Variants in REV1 observed in about 807,000 individuals in gnomAD.
The protein encoded by REV1 is REV1 DNA directed polymerase.
REV1 carries 42 observed loss-of-function variants against 137.4 expected under a neutral mutation model. That is an observed-to-expected ratio of 0.31 (90% CI 0.24 to 0.40). The LOEUF is 0.40. Ranked by LOEUF, REV1 falls within the 10% of genes least tolerant of loss-of-function variation. The pLI is 1.00. For synonymous variants in REV1, 524 were observed against 519.2 expected (o/e 1.01, Z -0.12); for missense variants, 1,282 against 1,490.1 (o/e 0.86, Z 2.30).
chr2:99,441,965 G>A (rs962464410), intron 5 of REV1, among the ~76,000 whole-genome samples: 10 of 152,036 alleles, frequency 6.6e-5, no homozygotes, highest in Admixed American at 1.3e-4. Context: ...CTAAAAACCA[G>A]CTTTGTGGCC....
intron 3 of REV1, among the ~76,000 whole-genome samples, chr2:99,452,373 A>C (rs1575147389): frequency 1.4e-5 from 2 of 146,252 alleles, no homozygotes; most frequent in East Asian, 2.0e-4. Context: ...TAGTAAGCTG[A>C]GGTTGCACCA....
chr2:99,415,740 T>C (rs558760471), intron 12 of REV1, among the ~76,000 whole-genome samples: 2 of 152,376 alleles, frequency 1.3e-5, no homozygotes, highest in Admixed American at 6.5e-5. Context: ...TACATGATCA[T>C]GGTGGTTCTC....
chr2:99,442,274 A>AG, intron 5 of REV1, 43 bp downstream of exon 5: 1 of 1,498,200 alleles, frequency 6.7e-7, no homozygotes, highest in Non-Finnish European at 8.9e-7. Context: ...AAAAAAAAAA[A>AG]AACCAACCAG....
chr2:99,438,798 A>T lies in REV1; in HGVS notation c.1016T>A (p.Val339Glu), dbSNP rs550718608. 6.2e-7 allele frequency: 1 copy of T among 1,614,262 alleles called. No homozygotes were observed. Among genetic ancestry groups the T allele is most frequent in the Admixed American group, 1.7e-5 (1 of 60,030 alleles). Residue 339 changes from valine to glutamate, a missense_variant, in exon 6 of 23, where the codon GTG (valine) becomes GAG (glutamate). Physicochemically the swap from Val to Glu is moderately radical, Grantham distance 121. Around this residue, in one of 7 missense-constraint regions of REV1, gnomAD observed 432 missense variants for 438.0 expected, o/e 0.99. Coordinates refer to ENST00000258428, the MANE Select transcript of REV1 (RefSeq NM_016316.4). ...VSTFSKAAPS[V>E]PSKPSDCNFI... ...ATTGCAGTCTGAAGGTTTGGATGGC[A>T]CTGAAGGTGCTGCCTTGCTAAACGT...
chr2:99,404,631 T>C lies in REV1; in HGVS notation c.2858A>G (p.Gln953Arg). The C allele has an allele frequency of 6.2e-7, 1 of 1,612,100 alleles. No homozygotes were observed. The highest frequency in any genetic ancestry group is 8.5e-7 in the Non-Finnish European group (1 of 1,179,536). ...CTGGACAGCACAGACTTGCTCTACT[T>C]GTTCCCGGAGATCAGGTGGAAGTGC... ...LEALPPDLRE[Q>R]VEQVCAVQQA... The change falls in exon 18 of 23, where the codon CAA becomes CGA. Residue 953 changes from glutamine to arginine, a missense_variant. Coordinates refer to ENST00000258428, the MANE Select transcript of REV1 (RefSeq NM_016316.4).
chr2:99,465,103 T>TC, intron 1 of REV1, 118 bp from the exon 2 acceptor site: 1 of 902,360 alleles, frequency 1.1e-6, no homozygotes, highest in Non-Finnish European at 1.7e-6. Flanking sequence ...CTGATGAAAG[T>TC]ATACAATATT....
chr2:99,469,114 G>C (rs1685128588), intron 1 of REV1, among the ~76,000 whole-genome samples: 1 of 152,166 alleles, frequency 6.6e-6, no homozygotes, highest in Non-Finnish European at 1.5e-5. Context: ...TGGATGAAGG[G>C]TGGATATGGT....
At chr2:99,443,524 T>C (rs376561527) in intron 4 of REV1, among the ~76,000 whole-genome samples, 143 of 152,282 alleles carry the variant, frequency 9.4e-4, no homozygotes, top group African/African-American at 3.3e-3. Context: ...CAGGAAAACA[T>C]ACTAACAGAT....
chr2:99,434,580 A>G (rs1680502460), intron 7 of REV1, 132 bp from the exon 8 acceptor site: 1 of 484,816 alleles, frequency 2.1e-6, no homozygotes, highest in African/African-American at 2.0e-5. Context: ...TAATCCTTAA[A>G]GAAGCTAATA....
At chr2:99,410,260 C>G (rs963588098) in intron 14 of REV1, among the ~76,000 whole-genome samples, 1 of 152,200 alleles carries the variant, frequency 6.6e-6, no homozygotes, top group Non-Finnish European at 1.5e-5. Flanking sequence ...ATCCAGCTGC[C>G]TCAGCCTCCC....
chr2:99,470,360 T>C (rs1047609211), intron 1 of REV1, among the ~76,000 whole-genome samples: 2 of 152,196 alleles, frequency 1.3e-5, no homozygotes, highest in African/African-American at 4.8e-5. Context: ...AATGTATACA[T>C]TTGTAAAAAG....
rs1678257339 is a variant in REV1 at position 99,418,912 on chromosome 2, T to C, written c.1867A>G (p.Lys623Glu). 1 of 1,612,962 alleles carries C rather than the reference T, an allele frequency of 6.2e-7. No homozygotes were observed. ...NILLARMATR[K>E]AKPDGQYHLK... ...TGGTACTGCCCATCTGGTTTTGCTT[T>C]TCTAGTTGCCATTCTAGCCAGGAGA... Residue 623 changes from lysine (K) to glutamate (E), a missense_variant, in exon 12 of 23, where the codon AAA (lysine) becomes GAA (glutamate). By Grantham distance (56) the Lys-to-Glu change is moderately conservative (BLOSUM62 1). Coordinates refer to ENST00000258428, the MANE Select transcript of REV1 (RefSeq NM_016316.4).
chr2:99,401,449 A>C (rs1375564737), intron 22 of REV1, 97 bp from the exon 23 acceptor site: 3 of 820,870 alleles, frequency 3.7e-6, no homozygotes, highest in African/African-American at 3.5e-5. Context: ...TTGGCAAAAA[A>C]AAAAAAAAGT....
At chr2:99,419,533 G>T (rs1559312562) in intron 11 of REV1, among the ~76,000 whole-genome samples, 1 of 152,158 alleles carries the variant, frequency 6.6e-6, no homozygotes, top group Non-Finnish European at 1.5e-5. Flanking sequence ...TTCAGAGTGG[G>T]TGTCTGTAGG....
In REV1 at chr2:99,469,787, T is replaced by C. The variant is rs28369935; in HGVS notation, c.-10-4802A>G. ...ACTTTATTCTGCTTTCTTTTTACTATAGTTATTGGTAGATTTTACTATCTA... is the reference window on the plus strand; with the variant it reads ...ACTTTATTCTGCTTTCTTTTTACTACAGTTATTGGTAGATTTTACTATCTA... On this transcript the variant is annotated intron_variant, in intron 1 of 22. Transcript: ENST00000258428. Among the ~76,000 whole-genome samples, 9 of 152,334 alleles carry C rather than the reference T, an allele frequency of 5.9e-5. No individual in the cohort carries two copies. The East Asian group carries it at 1.3e-3, about 23-fold the overall frequency.
intron 9 of REV1, among the ~76,000 whole-genome samples, chr2:99,429,133 G>A (rs1307135979): frequency 2.0e-5 from 3 of 150,620 alleles, no homozygotes; most frequent in African/African-American, 7.3e-5. Flanking sequence ...GGTTGACAAG[G>A]AAAAAAAAAT....
chr2:99,456,427 G>T (rs918952941), intron 3 of REV1, among the ~76,000 whole-genome samples: 12 of 152,182 alleles, frequency 7.9e-5, no homozygotes, highest in Admixed American at 6.5e-4. Context: ...GTTAGAGAGC[G>T]ACTGGAGGGC....
chr2:99,485,523 T>A (rs1417293527), intron 1 of REV1, among the ~76,000 whole-genome samples: 1 of 152,228 alleles, frequency 6.6e-6, no homozygotes, highest in Non-Finnish European at 1.5e-5. Flanking sequence ...AGGACTTTCC[T>A]GTCTGAAGAC....
chr2:99,435,817 T>C lies in REV1; in HGVS notation c.1321+17A>G. ...ACAATATATCAGTTTTCTTAAAACATAAGCAAGAATACAGACCTTTGAGAT... is the reference window on the plus strand; with the variant it reads ...ACAATATATCAGTTTTCTTAAAACACAAGCAAGAATACAGACCTTTGAGAT... On this transcript the variant is annotated intron_variant, in intron 7 of 22. Coordinates refer to ENST00000258428, the MANE Select transcript of REV1 (RefSeq NM_016316.4). 1 of 1,280,642 alleles carries C rather than the reference T, an allele frequency of 7.8e-7. No homozygotes were observed. Among genetic ancestry groups the C allele is most frequent in the Non-Finnish European group, 1.1e-6 (1 of 904,050 alleles). The allele number at this position is 1,280,642 out of a possible 1,614,324, so 79.3% of individuals were successfully genotyped here.
Sources: allele counts gnomAD v4.1 joint callset (sites outside exome capture counted in the v4.1 genomes callset), GRCh38; gene constraint gnomAD v4.1.1; regional missense constraint gnomAD v4.1.1; transcripts MANE v1.5; gene names NCBI Gene and HGNC (gene_info 2026-07-23, HGNC 2026-07-21).